Variants in PTPRD observed in about 807,000 individuals in gnomAD.
PTPRD encodes the protein protein tyrosine phosphatase receptor type D, also known as receptor-type tyrosine-protein phosphatase delta.
In PTPRD, 34 loss-of-function variants were observed where a neutral mutation model predicts 214.5. The observed-to-expected ratio is 0.16, with a 90% CI of 0.12 to 0.21. The LOEUF is 0.21. PTPRD is among the 10% of genes least tolerant of loss of function. PTPRD has a pLI of 1.00. For synonymous variants in PTPRD, 1,128 were observed against 845.7 expected (o/e 1.33, Z -5.79); for missense variants, 2,545 against 2,398.7 (o/e 1.06, Z -1.27).
At chr9:9,828,395 A>G (rs1238646669) in intron 5 of PTPRD, among the ~76,000 whole-genome samples, 4 of 152,058 alleles carry the variant, frequency 2.6e-5, no homozygotes, top group East Asian at 1.9e-4. Context: ...GTAAACTATC[A>G]CAAGGACAAA....
At chr9:8,835,359 G>C (rs138579762) in intron 11 of PTPRD, among the ~76,000 whole-genome samples, 1 of 152,152 alleles carries the variant, frequency 6.6e-6, no homozygotes, top group African/African-American at 2.4e-5. Context: ...GTTGAATAAC[G>C]CACCCAAGCA....
At chr9:10,017,350 T>C (rs2096741544) in intron 4 of PTPRD, among the ~76,000 whole-genome samples, 1 of 152,136 alleles carries the variant, frequency 6.6e-6, no homozygotes, top group Non-Finnish European at 1.5e-5. Context: ...TTAAGTTATA[T>C]GTGTTGCATA....
At chr9:10,584,498 C>T (rs907333281) in intron 2 of PTPRD, among the ~76,000 whole-genome samples, 3 of 152,142 alleles carry the variant, frequency 2.0e-5, no homozygotes, top group Admixed American at 1.3e-4. Flanking sequence ...TACTGTAGTT[C>T]CAGATCTGGG....
intron 2 of PTPRD, among the ~76,000 whole-genome samples, chr9:10,530,912 T>C (rs1007716117): frequency 3.3e-5 from 5 of 152,056 alleles, no homozygotes; most frequent in Non-Finnish European, 7.4e-5. Flanking sequence ...ACCATAGTTA[T>C]AATTAATCGA....
At chr9:9,427,478 G>C (rs1435652587) in intron 8 of PTPRD, among the ~76,000 whole-genome samples, 1 of 152,128 alleles carries the variant, frequency 6.6e-6, no homozygotes, top group Admixed American at 6.5e-5. Flanking sequence ...AACCAAGTTG[G>C]AAAACACTCT....
chr9:9,618,363 T>C (rs1177672219), intron 7 of PTPRD, among the ~76,000 whole-genome samples: 1 of 151,976 alleles, frequency 6.6e-6, no homozygotes. Context: ...TTAACCTCTT[T>C]TTTCCTCCAT....
intron 3 of PTPRD, among the ~76,000 whole-genome samples, chr9:10,087,022 A>G (rs1199132991): frequency 1.3e-5 from 2 of 151,796 alleles, no homozygotes; most frequent in Non-Finnish European, 2.9e-5. Flanking sequence ...TTTGCTGACG[A>G]TTGAACTAAT....
chr9:9,349,757 G>GT (rs60320413), intron 9 of PTPRD, among the ~76,000 whole-genome samples: 3,161 of 147,180 alleles, frequency 0.021, 97 homozygotes, highest in African/African-American at 0.065. Flanking sequence ...CCCATCACAT[G>GT]TTTTTTTTTT....
chr9:8,530,432 T>C (rs2075391550), intron 14 of PTPRD, among the ~76,000 whole-genome samples: 1 of 152,230 alleles, frequency 6.6e-6, no homozygotes, highest in South Asian at 2.1e-4. Context: ...ACCTTCTTTG[T>C]AAATCTTTTC....
intron 14 of PTPRD, among the ~76,000 whole-genome samples, chr9:8,624,923 A>T (rs1318427097): frequency 6.6e-6 from 1 of 151,828 alleles, no homozygotes; most frequent in African/African-American, 2.4e-5. Flanking sequence ...CATTATATGT[A>T]AAGTAAGACT....
chr9:8,414,928 GGGGAGAGAGA>G lies in PTPRD; in HGVS notation c.4087-10278_4087-10269del, dbSNP rs1410710505. On this transcript the variant is annotated intron_variant, in intron 35 of 45. Coordinates refer to ENST00000381196, the MANE Select transcript of PTPRD (RefSeq NM_002839.4). ...GGGAGGGAGGGGGAGAGAGAGGGAG[GGGGAGAGAGA>G]GAGAGAGAGAGAGAGAGAGAGAGAG... Among the ~76,000 whole-genome samples the G allele has an allele frequency of 2.4e-3, 170 of 70,520 alleles. 5 individuals are homozygous for G. The highest frequency in any genetic ancestry group is 0.012 in the East Asian group (37 of 3,038). 46.3% of individuals were successfully genotyped at this position (70,520 alleles called of 152,430 possible).
intron 4 of PTPRD, among the ~76,000 whole-genome samples, chr9:9,947,355 T>TATATTATATATGTATTATATATATA (rs1566616240): frequency 1.2e-3 from 43 of 34,436 alleles, no homozygotes; most frequent in African/African-American, 7.2e-3. Flanking sequence ...TAATATATAT[T>TATATTATATATGTATTATATATATA]ATATATATTA....
intron 3 of PTPRD, among the ~76,000 whole-genome samples, chr9:10,079,151 T>G (rs2098188061): frequency 6.6e-6 from 1 of 152,016 alleles, no homozygotes; most frequent in African/African-American, 2.4e-5. Flanking sequence ...CTAAGCTGAT[T>G]TCAAATACCC....
chr9:8,333,603 C>T (rs540895351), intron 43 of PTPRD, among the ~76,000 whole-genome samples: 6 of 152,162 alleles, frequency 3.9e-5, no homozygotes, highest in Non-Finnish European at 1.5e-5. Context: ...CAAAAACATA[C>T]CAAATTGTAA....
intron 9 of PTPRD, among the ~76,000 whole-genome samples, chr9:9,273,941 T>A (rs1444638559): frequency 2.0e-5 from 3 of 151,374 alleles, no homozygotes; most frequent in Non-Finnish European, 3.0e-5. Context: ...AATATGATAT[T>A]CAAGATCCTC....
At position 8,681,181 on chromosome 9, in the gene PTPRD, C is replaced by A. The variant is rs188384008; in HGVS notation, c.65-44337G>T. ...TCCACAGCTTCCCTGATCAATCATC[C>A]ATAGACGCAGACACTCAGTGTAGAT... On this transcript the variant is annotated intron_variant, in intron 12 of 45. Coordinates refer to ENST00000381196, the MANE Select transcript of PTPRD (RefSeq NM_002839.4). Among the ~76,000 whole-genome samples the A allele has an allele frequency of 6.6e-5, 10 of 152,254 alleles. No homozygotes were observed. In the East Asian group the frequency reaches 1.9e-3, roughly 29 times the overall value.
At chr9:9,677,562 C>T (rs1452495822) in intron 7 of PTPRD, among the ~76,000 whole-genome samples, 13 of 152,092 alleles carry the variant, frequency 8.5e-5, no homozygotes, top group South Asian at 2.1e-4. Context: ...ATTGATGGGA[C>T]GTATCTCAAA....
chr9:10,211,192 T>C (rs1159466696), intron 3 of PTPRD, among the ~76,000 whole-genome samples: 1 of 152,018 alleles, frequency 6.6e-6, no homozygotes, highest in Non-Finnish European at 1.5e-5. Context: ...TGTAATGCCA[T>C]CTGTGGACGA....
chr9:9,915,578 T>A (rs557823205), intron 5 of PTPRD, among the ~76,000 whole-genome samples: 2 of 151,030 alleles, frequency 1.3e-5, no homozygotes, highest in East Asian at 3.9e-4. Flanking sequence ...GCTGAATAAT[T>A]CAATTAATTT....
Sources: allele counts gnomAD v4.1 joint callset (sites outside exome capture counted in the v4.1 genomes callset), GRCh38; gene constraint gnomAD v4.1.1; transcripts MANE v1.5; gene names NCBI Gene and HGNC (gene_info 2026-07-23, HGNC 2026-07-21).